IKZF2: variants seen among roughly 807,000 people sequenced by gnomAD.
IKZF2 encodes the protein zinc finger protein Helios.
A neutral mutation model predicts 49.2 loss-of-function variants in IKZF2; 15 were observed. That is an observed-to-expected ratio of 0.30 (90% CI 0.20 to 0.47). The LOEUF is 0.47. IKZF2 is among the 20% of genes least tolerant of loss of function. IKZF2 has a pLI of 1.00. For synonymous variants in IKZF2, 227 were observed against 221.4 expected (o/e 1.03, Z -0.23); for missense variants, 567 against 664.6 (o/e 0.85, Z 1.61).
At chr2:213,092,761 T>C (rs912396038) in intron 4 of IKZF2, among the ~76,000 whole-genome samples, 1 of 152,194 alleles carries the variant, frequency 6.6e-6, no homozygotes, top group African/African-American at 2.4e-5. Context: ...CTCTTGAATG[T>C]TGGTTGCCAG....
intron 8 of IKZF2, among the ~76,000 whole-genome samples, chr2:213,011,338 G>A (rs943074670): frequency 1.3e-5 from 2 of 151,910 alleles, no homozygotes; most frequent in Non-Finnish European, 2.9e-5. Flanking sequence ...ATGCTGATAG[G>A]AAATGCCCAA....
chr2:213,080,803 T>C (rs908626224), intron 4 of IKZF2, among the ~76,000 whole-genome samples: 2 of 152,114 alleles, frequency 1.3e-5, no homozygotes, highest in African/African-American at 4.8e-5. Flanking sequence ...TCCTAACTAA[T>C]TCTAATAGGT....
At chr2:213,099,274 T>A (rs1189321145) in intron 4 of IKZF2, among the ~76,000 whole-genome samples, 1 of 152,176 alleles carries the variant, frequency 6.6e-6, no homozygotes, top group East Asian at 1.9e-4. Context: ...AATATTACTG[T>A]AAGATGCCAA....
chr2:213,058,786 T>C (rs932972159), intron 4 of IKZF2, among the ~76,000 whole-genome samples: 2 of 151,880 alleles, frequency 1.3e-5, no homozygotes, highest in Non-Finnish European at 2.9e-5. Context: ...TTAAACTTGC[T>C]TTGTATGTTT....
At chr2:213,072,607 CTTAGTGAA>C (rs1702829493) in intron 4 of IKZF2, among the ~76,000 whole-genome samples, 1 of 146,536 alleles carries the variant, frequency 6.8e-6, no homozygotes, top group African/African-American at 2.6e-5. Flanking sequence ...TTTTATAAGC[CTTAGTGAA>C]TTTCAGCACT....
intron 4 of IKZF2, among the ~76,000 whole-genome samples, chr2:213,139,231 C>A (rs2060784818): frequency 6.6e-6 from 1 of 151,474 alleles, no homozygotes; most frequent in East Asian, 1.9e-4. Context: ...GCCTAGGAAG[C>A]CAAGGGGAAA....
chr2:213,017,269 T>C (rs1696713851), intron 7 of IKZF2, among the ~76,000 whole-genome samples: 2 of 152,116 alleles, frequency 1.3e-5, no homozygotes, highest in Admixed American at 1.3e-4. Context: ...GGCCACTACA[T>C]AAATTATGAT....
intron 6 of IKZF2, among the ~76,000 whole-genome samples, chr2:213,042,548 A>T (rs529991346): frequency 6.6e-6 from 1 of 152,372 alleles, no homozygotes; most frequent in African/African-American, 2.4e-5. Context: ...CAACGAAATA[A>T]TTACAAAAAG....
intron 4 of IKZF2, among the ~76,000 whole-genome samples, chr2:213,136,071 G>GAAAA (rs1409425541): frequency 6.9e-6 from 1 of 145,142 alleles, no homozygotes; most frequent in Non-Finnish European, 1.5e-5. Flanking sequence ...AAGAAAGAAA[G>GAAAA]AAAAAAGAAA....
chr2:213,109,918 C>T (rs12105712), intron 4 of IKZF2, among the ~76,000 whole-genome samples: 5,461 of 151,904 alleles, frequency 0.036, 346 homozygotes, highest in African/African-American at 0.12. Flanking sequence ...ATATTAATTG[C>T]TTGATGGAGT....
chr2:213,010,895 T>C (rs1304843238), intron 8 of IKZF2, among the ~76,000 whole-genome samples: 5 of 152,198 alleles, frequency 3.3e-5, no homozygotes, highest in Non-Finnish European at 7.4e-5. Context: ...GGCATATGAA[T>C]GGGGGCCTCC....
At position 213,088,977 on chromosome 2, in the gene IKZF2, G is replaced by T. The variant is rs374724722; in HGVS notation, c.140-31878C>A. On this transcript the variant is annotated intron_variant, in intron 4 of 8. Coordinates refer to ENST00000434687, the MANE Select transcript of IKZF2 (RefSeq NM_001387220.1). The stretch of plus-strand genomic sequence containing the variant: ...TGTTGGGTAGCTTTGGTTCTCTGCT[G>T]CATTGTAAGGGAAACCATAATTGCA... Among the ~76,000 whole-genome samples the T allele has an allele frequency of 2.1e-4, 32 of 152,238 alleles. No homozygotes were observed. The East Asian group carries it at 4.6e-3, about 22-fold the overall frequency.
intron 8 of IKZF2, 28 bp from the exon 9 acceptor site, chr2:213,008,112 T>TA (rs369935563): frequency 0.043 from 53,931 of 1,253,866 alleles, 624 homozygotes; most frequent in African/African-American, 0.19. Flanking sequence ...GTGAAAGAAG[T>TA]AAAAAAAAAA....
intron 4 of IKZF2, among the ~76,000 whole-genome samples, chr2:213,145,573 G>A (rs984316103): frequency 1.5e-4 from 23 of 151,966 alleles, no homozygotes; most frequent in African/African-American, 5.6e-4. Context: ...ATTAATAGAC[G>A]AGAGTTCCTC....
At chr2:213,038,443 T>C (rs1353289278) in intron 6 of IKZF2, among the ~76,000 whole-genome samples, 1 of 152,204 alleles carries the variant, frequency 6.6e-6, no homozygotes, top group East Asian at 1.9e-4. Flanking sequence ...GAAATTTTTG[T>C]CCTCAATCAT....
intron 4 of IKZF2, among the ~76,000 whole-genome samples, chr2:213,130,892 T>TAAG (rs539411570): frequency 7.4e-4 from 113 of 152,288 alleles, no homozygotes; most frequent in East Asian, 6.9e-3. Context: ...GATTACTTCT[T>TAAG]AAGAAGATGA....
intron 5 of IKZF2, among the ~76,000 whole-genome samples, chr2:213,054,728 AAGAT>A (rs1700981805): frequency 6.6e-6 from 1 of 152,204 alleles, no homozygotes. Context: ...TTGACAAAAA[AAGAT>A]AGTGTTGCAA....
intron 4 of IKZF2, among the ~76,000 whole-genome samples, chr2:213,137,218 C>T (rs1160995957): frequency 2.6e-5 from 4 of 151,850 alleles, no homozygotes; most frequent in Non-Finnish European, 4.4e-5. Context: ...ATTCATGCTT[C>T]GAGAACTTAA....
chr2:213,147,062 A>G (rs2061099944), intron 4 of IKZF2, among the ~76,000 whole-genome samples: 1 of 152,164 alleles, frequency 6.6e-6, no homozygotes, highest in Non-Finnish European at 1.5e-5. Context: ...TTACATAAAA[A>G]CAATGTATAT....
Sources: allele counts gnomAD v4.1 joint callset (sites outside exome capture counted in the v4.1 genomes callset), GRCh38; gene constraint gnomAD v4.1.1; transcripts MANE v1.5; gene names NCBI Gene and HGNC (gene_info 2026-07-23, HGNC 2026-07-21).